The following IRS2 variants were observed in gnomAD, a reference collection of about 807,000 sequenced individuals.
The protein encoded by IRS2 is insulin receptor substrate 2.
Under a neutral mutation model 70.9 loss-of-function variants are expected in IRS2, and 28 were observed. The ratio of observed to expected loss-of-function variants is 0.39; its 90% CI spans 0.29 to 0.54. The LOEUF is 0.54. IRS2 is among the 20% of genes least tolerant of loss of function. IRS2 has a pLI of 0.59. For missense variants in IRS2, 2,081 were observed against 2,024.1 expected, an observed-to-expected ratio of 1.03 and a Z score of -0.54; for synonymous variants, 1,217 against 981.9, an observed-to-expected ratio of 1.24 and a Z score of -4.48.
intron 1 of IRS2, among the ~76,000 whole-genome samples, chr13:109,765,003 G>C (rs1026324893): frequency 2.6e-5 from 4 of 152,038 alleles, no homozygotes; most frequent in African/African-American, 9.7e-5. Flanking sequence ...CCCGGGAAGG[G>C]GCCTCACATG....
At chr13:109,765,195 T>C (rs901769481) in intron 1 of IRS2, among the ~76,000 whole-genome samples, 1 of 152,224 alleles carries the variant, frequency 6.6e-6, no homozygotes, top group South Asian at 2.1e-4. Flanking sequence ...GACATTTAAG[T>C]TCCTCTGCCA....
intron 1 of IRS2, among the ~76,000 whole-genome samples, chr13:109,776,530 A>G (rs1255352690): frequency 6.6e-6 from 1 of 152,250 alleles, no homozygotes; most frequent in Non-Finnish European, 1.5e-5. Context: ...ATTCTTATGT[A>G]ATGAATTCAC....
chr13:109,783,344 T>TGCTGGGCAG lies in IRS2; in HGVS notation c.2701_2709dup (p.Leu901_Ser903dup). The TGCTGGGCAG allele has an allele frequency of 1.5e-5, 23 of 1,557,516 alleles. No individual in the cohort carries two copies. Among genetic ancestry groups the TGCTGGGCAG allele is most frequent in the Non-Finnish European group, 1.9e-5 (22 of 1,161,006 alleles). ...TCCGGTGGCAGTGGGTACTCGTGCATGCTGGGCAGGCTGGGCAGCCCCTCC... is the reference window on the plus strand; with the variant it reads ...TCCGGTGGCAGTGGGTACTCGTGCATGCTGGGCAGGCTGGGCAGGCTGGGCAGCCCCTCC... On this transcript the variant is annotated inframe_insertion, in exon 1 of 2. Coordinates refer to ENST00000375856, the MANE Select transcript of IRS2 (RefSeq NM_003749.3).
rs1555316971 is a variant in IRS2, at chr13:109,785,571, C to CGCGGCGGGCGCG, written c.471_482dup (p.Ala158_Ala161dup). 7.7e-7 allele frequency: 1 copy of CGCGGCGGGCGCG among 1,293,824 alleles called. No individual in the cohort carries two copies. The highest frequency in any genetic ancestry group is 9.8e-7 in the Non-Finnish European group (1 of 1,023,148). 80.1% of individuals were successfully genotyped at this position (1,293,824 alleles called of 1,614,324 possible). A position where few individuals can be genotyped will look rare whatever the true frequency, so the allele number is the denominator to read the frequency against. On this transcript the variant is annotated inframe_insertion, in exon 1 of 2. Coordinates refer to ENST00000375856, the MANE Select transcript of IRS2 (RefSeq NM_003749.3). This position sits in a 1 kb window ranked among gnomAD's most constrained non-coding sequence, Gnocchi z 9.3. ...CGCCGGGCAGGGAGGCGCTGCAGGA[C>CGCGGCGGGCGCG]GCGGCGGGCGCGGCGGCGGGGGGCG...
At chr13:109,781,424 G>A (rs1427995874) in intron 1 of IRS2, among the ~76,000 whole-genome samples, 2 of 152,150 alleles carry the variant, frequency 1.3e-5, no homozygotes, top group Admixed American at 6.5e-5. Flanking sequence ...CAGCCTTACC[G>A]TTTCACCCCT....
chr13:109,754,809 G>T lies in IRS2; in HGVS notation c.*1495C>A, dbSNP rs1220384285. The T allele has an allele frequency of 5.2e-6, 1 of 191,826 alleles. No homozygotes were observed. The highest frequency in any genetic ancestry group is 6.1e-5 in the Admixed American group (1 of 16,290). The allele number at this position is 191,826 out of a possible 1,614,324, so 11.9% of individuals were successfully genotyped here. On this transcript the variant is annotated 3_prime_UTR_variant, in exon 2 of 2. Transcript: ENST00000375856. ...TTTTATTAATGCATTATTCTATAGC[G>T]ATAGATATCTATTATATATTTATAT...
intron 1 of IRS2, among the ~76,000 whole-genome samples, chr13:109,757,809 G>A (rs564007190): frequency 6.6e-6 from 1 of 152,194 alleles, no homozygotes; most frequent in African/African-American, 2.4e-5. Flanking sequence ...AGCCTCCCAA[G>A]TAGCTGGGAT....
At chr13:109,778,234 AG>A (rs1877621554) in intron 1 of IRS2, among the ~76,000 whole-genome samples, 1 of 152,240 alleles carries the variant, frequency 6.6e-6, no homozygotes, top group Non-Finnish European at 1.5e-5. Flanking sequence ...GTGAGAAGGC[AG>A]GATTAAGTGG....
chr13:109,785,413 G>A lies in IRS2; in HGVS notation c.641C>T (p.Thr214Met), dbSNP rs1374169877. The part of the protein sequence containing the change: ...PKGLGQSKNL[T>M]GVYRLCLSAR... The stretch of plus-strand genomic sequence containing the variant: ...AGACAGGCACAGACGGTACACCCCC[G>A]TCAGGTTCTTGCTCTGGCCCAGACC... The change falls in exon 1 of 2, where the codon ACG (threonine) becomes ATG (methionine). Residue 214 changes from threonine to methionine, a missense_variant. Thr to Met is a moderately conservative substitution (Grantham distance 81). Around this residue, in one of 4 missense-constraint regions of IRS2, gnomAD observed 320 missense variants for 352.9 expected, o/e 0.91. Transcript: ENST00000375856. The surrounding 1 kb of genome is among the most constrained non-coding windows in gnomAD (Gnocchi z 9.3). The A allele has an allele frequency of 1.9e-6, 3 of 1,612,308 alleles. No homozygotes were observed. The highest frequency in any genetic ancestry group is 1.7e-6 in the Non-Finnish European group (2 of 1,179,892).
rs919366602 is a variant in IRS2, at chr13:109,782,871, C to T, written c.3183G>A (p.Ser1061=). Reference sequence around the variant, plus strand: ...CATTGTCCCCGGTGTCCGAGGACAACGATGAGGCGGCGCCCGGGCCCTGGG... The same window carrying T: ...CATTGTCCCCGGTGTCCGAGGACAATGATGAGGCGGCGCCCGGGCCCTGGG... ...ATAQGPGAAS[S]LSSDTGDNGD... is the part of the protein sequence containing the mutation. Residue 1061 remains serine, a synonymous_variant, in exon 1 of 2, where the codon TCG becomes TCA. Coordinates refer to ENST00000375856, the MANE Select transcript of IRS2 (RefSeq NM_003749.3). 4.5e-6 allele frequency: 7 copies of T among 1,572,874 alleles called. No homozygotes were observed. Among genetic ancestry groups the T allele is most frequent in the Non-Finnish European group, 6.0e-6 (7 of 1,159,942 alleles).
At chr13:109,773,015 T>A (rs1367943837) in intron 1 of IRS2, among the ~76,000 whole-genome samples, 3 of 152,164 alleles carry the variant, frequency 2.0e-5, no homozygotes, top group Non-Finnish European at 4.4e-5. Context: ...TTTTTTAAAG[T>A]GTGAATATCT....
intron 1 of IRS2, among the ~76,000 whole-genome samples, chr13:109,776,282 A>G (rs2138924127): frequency 6.6e-6 from 1 of 152,378 alleles, no homozygotes; most frequent in African/African-American, 2.4e-5. Flanking sequence ...GTAAGCAAGG[A>G]ATATTTTATA....
At position 109,782,414 on chromosome 13, in the gene IRS2, C is replaced by G. The variant is rs1040882280; in HGVS notation, c.3640G>C (p.Ala1214Pro). 3.1e-6 allele frequency: 5 copies of G among 1,599,996 alleles called. No homozygotes were observed. The Admixed American group carries it at 5.1e-5, about 16-fold the overall frequency. ...PRQLQPAPPL[A>P]PQGRPWTPGQ... ...GGGGTCCACGGCCGGCCCTGCGGTGCCAAAGGGGGCGCCGGCTGCAACTGT... is the reference window on the plus strand; with the variant it reads ...GGGGTCCACGGCCGGCCCTGCGGTGGCAAAGGGGGCGCCGGCTGCAACTGT... Residue 1214 changes from alanine (A) to proline (P), a missense_variant, in exon 1 of 2, where the codon GCA becomes CCA. Ala to Pro is a conservative substitution (Grantham distance 27). This residue lies in a region of IRS2 where 1,615 missense variants were observed against 1,459.5 expected (regional missense o/e 1.11). Coordinates refer to ENST00000375856, the MANE Select transcript of IRS2 (RefSeq NM_003749.3).
chr13:109,782,653 T>C lies in IRS2; in HGVS notation c.3401A>G (p.Lys1134Arg). Reference protein sequence around the residue: ...SQPPDPHRGAKVIRADPQGGR... With the variant: ...SQPPDPHRGARVIRADPQGGR... ...CCCCTGCGGGTCTGCGCGGATGACC[T>C]TGGCGCCGCGGTGGGGGTCCGGGGG... Residue 1134 changes from lysine to arginine, a missense_variant, in exon 1 of 2, where the codon AAG becomes AGG. Coordinates refer to ENST00000375856, the MANE Select transcript of IRS2 (RefSeq NM_003749.3). The C allele has an allele frequency of 1.3e-6, 2 of 1,569,806 alleles. No individual in the cohort carries two copies. Among genetic ancestry groups the C allele is most frequent in the South Asian group, 1.2e-5 (1 of 85,910 alleles).
At chr13:109,756,786 A>C (rs1877116044) in intron 1 of IRS2, among the ~76,000 whole-genome samples, 1 of 152,144 alleles carries the variant, frequency 6.6e-6, no homozygotes, top group Non-Finnish European at 1.5e-5. Flanking sequence ...TGCTCTGTAA[A>C]CTATGTTTAT....
chr13:109,784,073 C>T lies in IRS2; in HGVS notation c.1981G>A (p.Ala661Thr), dbSNP rs2138934653. ...DGYMPMTPGA[A>T]LAGSGSGSCR... ...CTGCCGCTCCCACTGCCCGCGAGGG[C>T]CGCGCCGGGCGTCATGGGCATGTAG... The change falls in exon 1 of 2, where the codon GCC (alanine) becomes ACC (threonine). Residue 661 changes from alanine (A) to threonine (T), a missense_variant. Coordinates refer to ENST00000375856, the MANE Select transcript of IRS2 (RefSeq NM_003749.3). This position sits in a 1 kb window ranked among gnomAD's most constrained non-coding sequence, Gnocchi z 5.2. The T allele has an allele frequency of 1.9e-6, 3 of 1,572,690 alleles. No individual in the cohort carries two copies. The highest frequency in any genetic ancestry group is 2.6e-6 in the Non-Finnish European group (3 of 1,166,262).
chr13:109,769,853 A>T (rs564951965), intron 1 of IRS2, among the ~76,000 whole-genome samples: 1 of 152,388 alleles, frequency 6.6e-6, no homozygotes, highest in Non-Finnish European at 1.5e-5. Flanking sequence ...GAAAACATGC[A>T]GAAATTTAAC....
At position 109,755,799 on chromosome 13, in the gene IRS2, G is replaced by C; in HGVS notation, c.*505C>G. On this transcript the variant is annotated 3_prime_UTR_variant, in exon 2 of 2. Transcript: ENST00000375856. ...ACACAGCGCAGGGGCTACTACAGGA[G>C]GTCCTGTGGGACCCCCGCCACGGAA... 4.4e-6 allele frequency: 1 copy of C among 225,244 alleles called. No individual in the cohort carries two copies. Among genetic ancestry groups the C allele is most frequent in the Middle Eastern group, 1.5e-3 (1 of 680 alleles). 14.0% of individuals were successfully genotyped at this position (225,244 alleles called of 1,614,324 possible). A position where few individuals can be genotyped will look rare whatever the true frequency, so the allele number is the denominator to read the frequency against.
At chr13:109,767,461 T>G (rs1379817301) in intron 1 of IRS2, among the ~76,000 whole-genome samples, 1 of 152,160 alleles carries the variant, frequency 6.6e-6, no homozygotes, top group African/African-American at 2.4e-5. Flanking sequence ...GAAAAGGAAG[T>G]TGGACTGTGT....
Sources: gnomAD v4.1 joint callset for allele counts (sites outside exome capture counted in the v4.1 genomes callset) on GRCh38, gnomAD v4.1.1 for gene constraint, gnomAD v4.1.1 regional missense constraint, Gnocchi (gnomAD v3.1) non-coding constraint, MANE v1.5 for transcripts, NCBI Gene and HGNC (gene_info 2026-07-23, HGNC 2026-07-21) for gene names.